MBIP: variants seen among roughly 807,000 people sequenced by gnomAD.
The protein encoded by MBIP is MAP3K12 binding inhibitory protein 1, also known as MAP3K12-binding inhibitory protein 1.
A neutral mutation model predicts 45.7 loss-of-function variants in MBIP; 32 were observed. That is an observed-to-expected ratio of 0.70 (90% CI 0.53 to 0.94). The LOEUF is 0.94. MBIP is among the 40% of genes least tolerant of loss of function. The probability of loss-of-function intolerance (pLI) is 0.00; values close to 1 mark genes in which losing one functional copy is unlikely to be tolerated. For synonymous variants in MBIP, 145 were observed against 141.0 expected (o/e 1.03, Z -0.20); for missense variants, 381 against 405.5 (o/e 0.94, Z 0.52).
chr14:36,319,679 G>T (rs1274833161), intron 1 of MBIP: 4 of 262,006 alleles, frequency 1.5e-5, no homozygotes, highest in African/African-American at 9.3e-5. Flanking sequence ...ATGTAAGATA[G>T]AAAATATTTC....
In MBIP at chr14:36,311,949, G is replaced by A. The variant is rs1257493140; in HGVS notation, c.637+10C>T. On this transcript the variant is annotated intron_variant, in intron 5 of 8. Transcript: ENST00000416007. ...GTCAGTGACTCAGATGTCATGTGGT[G>A]GTTACTTACCTTTTACGTGACTTTT... 3.8e-6 allele frequency: 6 copies of A among 1,575,410 alleles called. No homozygotes were observed. The highest frequency in any genetic ancestry group is 2.7e-5 in the African/African-American group (2 of 73,420).
intron 1 of MBIP, among the ~76,000 whole-genome samples, chr14:36,317,073 G>A (rs1594524493): frequency 6.6e-6 from 1 of 152,206 alleles, no homozygotes; most frequent in Non-Finnish European, 1.5e-5. Flanking sequence ...CATTTTAGAG[G>A]TAAAACCATT....
rs1460542838 is a variant in MBIP at position 36,316,810 on chromosome 14, A to C, written c.132T>G (p.Leu44=). The change falls in exon 2 of 9, where the codon CTT becomes CTG. Residue 44 remains leucine, a splice_region_variant and synonymous_variant. Transcript: ENST00000416007. ...TTTTCACCACATCATCTCTGAGGTC[A>C]AGCTTCAAAGGGGCAAACCAGCAAC... is the stretch of plus-strand genomic sequence containing the variant. ...FRSLHTLVGQ[L]DLRDDVVKIT... 1.2e-6 allele frequency: 2 copies of C among 1,606,524 alleles called. No individual in the cohort carries two copies. The highest frequency in any genetic ancestry group is 2.7e-5 in the African/African-American group (2 of 74,480).
In MBIP at chr14:36,316,686, A is replaced by C; in HGVS notation, c.249+7T>G. ...TATCGGGTTATCATTTCTAACAAGA[A>C]ATTTACCTGTAAATATAAAATGTGT... On this transcript the variant is annotated splice_region_variant and intron_variant, in intron 2 of 8. Coordinates refer to ENST00000416007, the MANE Select transcript of MBIP (RefSeq NM_016586.3). 6 of 1,593,186 alleles carry C rather than the reference A, an allele frequency of 3.8e-6. No homozygotes were observed. The highest frequency in any genetic ancestry group is 5.1e-6 in the Non-Finnish European group (6 of 1,172,666).
chr14:36,314,639 A>G (rs202097612), intron 3 of MBIP, 31 bp from the exon 4 acceptor site: 109 of 1,606,398 alleles, frequency 6.8e-5, no homozygotes, highest in Middle Eastern at 1.7e-4. Context: ...CAGTGTAAAC[A>G]TAAGATTTTT....
Position 36,307,073 on chromosome 14 carries a change from G to C in MBIP, c.888+1019C>G, listed in dbSNP as rs182277857. Among the ~76,000 whole-genome samples the C allele has an allele frequency of 2.8e-3, 426 of 152,238 alleles. 4 individuals are homozygous for C. The highest frequency in any genetic ancestry group is 0.02 in the Middle Eastern group (6 of 294). On this transcript the variant is annotated intron_variant, in intron 7 of 8. Coordinates refer to ENST00000416007, the MANE Select transcript of MBIP (RefSeq NM_016586.3). ...ATTATCTCATTTGATCTTTGCTTCAGCCCTTAGTATTTTCATAAACCTCAT... is the reference window on the plus strand; with the variant it reads ...ATTATCTCATTTGATCTTTGCTTCACCCCTTAGTATTTTCATAAACCTCAT...
chr14:36,318,491 G>C (rs1415311105), intron 1 of MBIP, among the ~76,000 whole-genome samples: 2 of 151,836 alleles, frequency 1.3e-5, no homozygotes, highest in East Asian at 3.8e-4. Flanking sequence ...TTGCCCTACA[G>C]AACTTGGAAG....
chr14:36,302,047 T>C (rs1879590230), intron 7 of MBIP, among the ~76,000 whole-genome samples: 2 of 152,240 alleles, frequency 1.3e-5, no homozygotes, highest in Non-Finnish European at 1.5e-5. Flanking sequence ...TAAGAAATAA[T>C]AGAGCTCAGA....
At chr14:36,304,470 T>C (rs898331647) in intron 7 of MBIP, among the ~76,000 whole-genome samples, 2 of 152,230 alleles carry the variant, frequency 1.3e-5, no homozygotes, top group Non-Finnish European at 2.9e-5. Flanking sequence ...TGTAAAAGCA[T>C]GTTGGTACTT....
intron 6 of MBIP, among the ~76,000 whole-genome samples, chr14:36,310,296 A>C (rs748072615): frequency 1.3e-5 from 2 of 152,184 alleles, no homozygotes; most frequent in Non-Finnish European, 2.9e-5. Flanking sequence ...TACTCCAGCT[A>C]TACTGGATTC....
At chr14:36,309,784 G>T (rs1055779488) in intron 6 of MBIP, among the ~76,000 whole-genome samples, 1 of 152,068 alleles carries the variant, frequency 6.6e-6, no homozygotes, top group Non-Finnish European at 1.5e-5. Context: ...AAGGCTCCTT[G>T]TGCCCCCACC....
intron 2 of MBIP, among the ~76,000 whole-genome samples, chr14:36,315,226 CT>C (rs1566555442): frequency 6.6e-6 from 1 of 152,096 alleles, no homozygotes; most frequent in Admixed American, 6.6e-5. Context: ...TGTCACTCAT[CT>C]TTTATTTTGT....
chr14:36,309,933 T>C (rs1228825390), intron 6 of MBIP, among the ~76,000 whole-genome samples: 2 of 152,106 alleles, frequency 1.3e-5, no homozygotes, highest in Non-Finnish European at 2.9e-5. Flanking sequence ...ACTACACCCA[T>C]CCTTTCATTA....
At chr14:36,301,208 G>C (rs918228629) in intron 7 of MBIP, among the ~76,000 whole-genome samples, 1 of 152,086 alleles carries the variant, frequency 6.6e-6, no homozygotes, top group African/African-American at 2.4e-5. Flanking sequence ...AACAGACAAA[G>C]GAAAAACGGA....
chr14:36,316,660 A>G (rs771275804), intron 2 of MBIP, 33 bp downstream of exon 2: 7 of 1,575,686 alleles, frequency 4.4e-6, no homozygotes, highest in Non-Finnish European at 6.0e-6. Flanking sequence ...TCTATTTTCA[A>G]TATCGGGTTA....
In MBIP at chr14:36,299,087, G is replaced by C. The variant is rs777509253; in HGVS notation, c.1031C>G (p.Pro344Arg). 3 of 1,612,904 alleles carry C rather than the reference G, an allele frequency of 1.9e-6. No individual in the cohort carries two copies. The highest frequency in any genetic ancestry group is 1.7e-6 in the Non-Finnish European group (2 of 1,179,076). The change falls in exon 9 of 9, where the codon CCA (proline) becomes CGA (arginine). Residue 344 changes from proline to arginine, a missense_variant. Transcript: ENST00000416007. ...GACAAGGATGAGAGGAGTTTTTCAT[G>C]GAAGGTGGTGGGTTGCCATGGATTC... The part of the protein sequence containing the change: ...EAESMATHHL[P>R]
chr14:36,311,591 G>A lies in MBIP; in HGVS notation c.772C>T (p.His258Tyr), dbSNP rs375156352. ...VEERLQNIEA[H>Y]LRLQTGGPVP... ...TGCTTACCTGTCTGTAACCGCAAGT[G>A]GGCCTCAATATTTTGTAGTCGTTCT... The change falls in exon 6 of 9, where the codon CAC becomes TAC. Residue 258 changes from histidine (H) to tyrosine (Y), a missense_variant. Coordinates refer to ENST00000416007, the MANE Select transcript of MBIP (RefSeq NM_016586.3). The A allele has an allele frequency of 8.7e-6, 14 of 1,611,770 alleles. No homozygotes were observed. In the Admixed American group the frequency reaches 1.5e-4, roughly 17 times the overall value.
In MBIP at chr14:36,300,869, AT is replaced by A. The variant is rs758435657; in HGVS notation, c.889-47del. 2.6e-4 allele frequency: 305 copies of A among 1,182,386 alleles called. 1 individual carries two copies. The highest frequency in any genetic ancestry group is 6.1e-4 in the Middle Eastern group (3 of 4,950). The allele number at this position is 1,182,386 out of a possible 1,614,324, so 73.2% of individuals were successfully genotyped here. ...TAATGTTTAGAAAAATCTAAGCATC[AT>A]TTTTTTTTCTTTATAAAATACTGTA... On this transcript the variant is annotated intron_variant, in intron 7 of 8. Coordinates refer to ENST00000416007, the MANE Select transcript of MBIP (RefSeq NM_016586.3).
Position 36,311,618 on chromosome 14 carries a change from C to CAG in MBIP, c.744_745insCT (p.Glu249LeufsTer49). ...GCCTCAATATTTTGTAGTCGTTCTT[C>CAG]TACAGCCTGATTACCACAGTCTCGA... is the stretch of plus-strand genomic sequence containing the variant. On this transcript the variant is annotated frameshift_variant, in exon 6 of 9. Transcript: ENST00000416007. LOFTEE classifies it high-confidence loss of function. 1 of 1,613,468 alleles carries CAG rather than the reference C, an allele frequency of 6.2e-7. No homozygotes were observed. The highest frequency in any genetic ancestry group is 8.5e-7 in the Non-Finnish European group (1 of 1,179,588).
Sources: gnomAD v4.1 joint callset for allele counts (sites outside exome capture counted in the v4.1 genomes callset) on GRCh38, gnomAD v4.1.1 for gene constraint, MANE v1.5 for transcripts, NCBI Gene and HGNC (gene_info 2026-07-23, HGNC 2026-07-21) for gene names.